NEMP2: variants seen among roughly 807,000 people sequenced by gnomAD.
NEMP2 encodes the protein UPF0571 transmembrane protein.
NEMP2 carries 53 observed loss-of-function variants against 54.2 expected under a neutral mutation model. That is an observed-to-expected ratio of 0.98 (90% CI 0.78 to 1.23). The LOEUF is 1.23. Among genes scored for constraint, NEMP2 ranks in the 50% most tolerant of loss-of-function variants. The pLI is 0.00. For synonymous variants in NEMP2, 197 were observed against 190.3 expected (o/e 1.04, Z -0.29); for missense variants, 455 against 511.3 (o/e 0.89, Z 1.06).
chr2:190,437,637 C>A, the NEMP2 span: 1 of 1,477,430 alleles, frequency 6.8e-7, no homozygotes, highest in Non-Finnish European at 9.1e-7. This position sits in a 1 kb window ranked among gnomAD's most constrained non-coding sequence, Gnocchi z 5.9. Context: ...CCTTCTACTA[C>A]AATTTTAAGG....
the NEMP2 span, among the ~76,000 whole-genome samples, chr2:190,597,857 T>C: frequency 2.0e-5 from 3 of 152,222 alleles, no homozygotes; most frequent in Non-Finnish European, 4.4e-5. The surrounding 1 kb of genome is among the most constrained non-coding windows in gnomAD (Gnocchi z 4.7). Context: ...CTGGAACTGC[T>C]GATTTGTAAG....
At chr2:190,614,272 C>CT in the NEMP2 span, among the ~76,000 whole-genome samples, 2 of 152,044 alleles carry the variant, frequency 1.3e-5, no homozygotes, top group Non-Finnish European at 2.9e-5. The surrounding 1 kb of genome is among the most constrained non-coding windows in gnomAD (Gnocchi z 5.7). Context: ...TTAAAAAAAC[C>CT]TTTTTTTCCA....
the NEMP2 span, among the ~76,000 whole-genome samples, chr2:190,599,254 A>G: frequency 1.9e-3 from 296 of 152,340 alleles, 2 homozygotes; most frequent in African/African-American, 5.3e-3. Flanking sequence ...AAAACTACAC[A>G]TCTAGCTTAT....
the NEMP2 span, among the ~76,000 whole-genome samples, chr2:190,585,312 T>G: frequency 1.8e-4 from 27 of 152,260 alleles, no homozygotes; most frequent in South Asian, 1.0e-3. The surrounding 1 kb of genome is among the most constrained non-coding windows in gnomAD (Gnocchi z 5.3). Flanking sequence ...TTATTTATCT[T>G]TAAACTACTT....
downstream of NEMP2, chr2:190,501,019 TA>T (rs1278369093): frequency 6.6e-6 from 1 of 152,228 alleles, no homozygotes; most frequent in East Asian, 1.9e-4. Flanking sequence ...AAGAGTTTAC[TA>T]AATATATTGA....
chr2:190,613,932 G>A, the NEMP2 span, among the ~76,000 whole-genome samples: 1 of 133,014 alleles, frequency 7.5e-6, no homozygotes, highest in African/African-American at 2.5e-5. Flanking sequence ...ATTCATTAAA[G>A]ATTTTACTTA....
chr2:190,437,577 C>CA, the NEMP2 span: 1 of 1,601,080 alleles, frequency 6.2e-7, no homozygotes, highest in Non-Finnish European at 8.5e-7. The surrounding 1 kb of genome is among the most constrained non-coding windows in gnomAD (Gnocchi z 5.9). Context: ...AACATGCTTA[C>CA]GATTGCTGCC....
the NEMP2 span, among the ~76,000 whole-genome samples, chr2:190,445,965 G>C: frequency 2.6e-5 from 4 of 152,200 alleles, no homozygotes; most frequent in African/African-American, 9.6e-5. Context: ...GATATAGCCT[G>C]TATTAAACTC....
chr2:190,553,799 C>T, the NEMP2 span, among the ~76,000 whole-genome samples: 151 of 152,318 alleles, frequency 9.9e-4, no homozygotes, highest in African/African-American at 3.4e-3. Context: ...GGATCCTGTC[C>T]TACATCTCCA....
the NEMP2 span, among the ~76,000 whole-genome samples, chr2:190,565,189 G>A: frequency 6.6e-6 from 1 of 152,022 alleles, no homozygotes; most frequent in East Asian, 1.9e-4. Context: ...ACACCCAGTA[G>A]GAATGGCCTG....
the NEMP2 span, among the ~76,000 whole-genome samples, chr2:190,450,066 C>T: frequency 1.3e-5 from 2 of 151,768 alleles, no homozygotes; most frequent in South Asian, 4.2e-4. Flanking sequence ...TACCAAAAAG[C>T]CAAGTGATGT....
At chr2:190,599,411 C>T in the NEMP2 span, among the ~76,000 whole-genome samples, 1 of 152,114 alleles carries the variant, frequency 6.6e-6, no homozygotes, top group Non-Finnish European at 1.5e-5. Context: ...ACAGGTAAAA[C>T]TCTTGAAATG....
upstream of NEMP2, chr2:190,535,163 C>G (rs1574325998): frequency 6.5e-6 from 1 of 152,964 alleles, no homozygotes; most frequent in East Asian, 1.9e-4. Context: ...TCGGCAAACG[C>G]CCTTTTTGTG....
the NEMP2 span, among the ~76,000 whole-genome samples, chr2:190,496,792 A>C: frequency 7.9e-5 from 12 of 152,330 alleles, 2 homozygotes; most frequent in South Asian, 2.5e-3. The surrounding 1 kb of genome is among the most constrained non-coding windows in gnomAD (Gnocchi z 4.7). Context: ...ACCATATTCT[A>C]AGTGAAGCAA....
chr2:190,579,691 T>C, the NEMP2 span, among the ~76,000 whole-genome samples: 1 of 152,212 alleles, frequency 6.6e-6, no homozygotes, highest in Non-Finnish European at 1.5e-5. Context: ...GGCCCAAGTC[T>C]TCCACAGTAA....
chr2:190,619,789 G>A, the NEMP2 span, among the ~76,000 whole-genome samples: 1 of 152,132 alleles, frequency 6.6e-6, no homozygotes, highest in East Asian at 1.9e-4. The surrounding 1 kb of genome is among the most constrained non-coding windows in gnomAD (Gnocchi z 5.5). Context: ...TAGTACTAAA[G>A]GCAAAGTGCC....
At chr2:190,613,454 A>G in the NEMP2 span, among the ~76,000 whole-genome samples, 2 of 152,212 alleles carry the variant, frequency 1.3e-5, no homozygotes, top group African/African-American at 4.8e-5. Context: ...GCTGAGTTAT[A>G]GTTTTGTAGC....
At chr2:190,518,094 G>A (rs900822310) in intron 4 of NEMP2, among the ~76,000 whole-genome samples, 4 of 152,018 alleles carry the variant, frequency 2.6e-5, no homozygotes, top group African/African-American at 4.8e-5. Flanking sequence ...ATAAGGAAAA[G>A]CTTCAAAATG....
At chr2:190,605,284 G>A in the NEMP2 span, among the ~76,000 whole-genome samples, 1 of 124,074 alleles carries the variant, frequency 8.1e-6, no homozygotes, top group African/African-American at 3.0e-5. Flanking sequence ...TCCCCTGCCC[G>A]CCCCACTATT....
Sources: gnomAD v4.1 joint callset for allele counts (sites outside exome capture counted in the v4.1 genomes callset) on GRCh38, gnomAD v4.1.1 for gene constraint, Gnocchi (gnomAD v3.1) non-coding constraint, MANE v1.5 for transcripts, NCBI Gene and HGNC (gene_info 2026-07-23, HGNC 2026-07-21) for gene names.